NUMB: variants seen among roughly 807,000 people sequenced by gnomAD.
The protein encoded by NUMB is protein numb homolog.
NUMB carries 29 observed loss-of-function variants against 59.7 expected under a neutral mutation model. The observed-to-expected ratio is 0.49, with a 90% CI of 0.36 to 0.66. The LOEUF (loss-of-function observed/expected upper bound fraction) is 0.66. Ranked by LOEUF, NUMB falls within the 30% of genes least tolerant of loss-of-function variation. The pLI is 0.00. For synonymous variants in NUMB, 288 were observed against 288.2 expected, an observed-to-expected ratio of 1.00 and a Z score of 0.01; for missense variants, 723 against 822.0, an observed-to-expected ratio of 0.88 and a Z score of 1.47.
Position 73,395,030 on chromosome 14 carries a change from CGTGTGTTT to C in NUMB, c.-101+14899_-101+14906del, listed in dbSNP as rs1240968736. On this transcript the variant is annotated intron_variant, in intron 2 of 12. Transcript: ENST00000555238. ...ATCTCCTTTAAGGTTGAATAGTATT[CGTGTGTTT>C]GTGTGTGTGTGTGTGTGTGTGTGTG... Among the ~76,000 whole-genome samples the C allele has an allele frequency of 6.5e-3, 381 of 58,340 alleles. 4 individuals are homozygous for C. The highest frequency in any genetic ancestry group is 8.7e-3 in the African/African-American group (208 of 24,012). The allele number at this position is 58,340 out of a possible 152,430, so 38.3% of individuals were successfully genotyped here. A position where few individuals can be genotyped will look rare whatever the true frequency, so the allele number is the denominator to read the frequency against.
chr14:73,361,073 A>G (rs1220233066), intron 3 of NUMB, among the ~76,000 whole-genome samples: 6 of 151,972 alleles, frequency 3.9e-5, no homozygotes, highest in Non-Finnish European at 8.8e-5. Flanking sequence ...GTTTTTTTGT[A>G]GAGATGGGGT....
chr14:73,277,375 C>G (rs973764583), intron 12 of NUMB, 82 bp from the exon 13 acceptor site: 3 of 1,110,596 alleles, frequency 2.7e-6, no homozygotes, highest in East Asian at 2.6e-5. Flanking sequence ...TTGAATGATC[C>G]TAACATGTAC....
chr14:73,336,220 G>A (rs1476978947), intron 4 of NUMB, among the ~76,000 whole-genome samples: 1 of 152,132 alleles, frequency 6.6e-6, no homozygotes, highest in Non-Finnish European at 1.5e-5. Context: ...AAGCTTACCT[G>A]CAACTCTCCT....
In NUMB at chr14:73,453,954, G is replaced by C. The variant is rs1884169954; in HGVS notation, c.-233+4539C>G. ...ACTAAAGGATGCACTATAATGTCAA[G>C]ATTAAAAAAATAAGATAGCAAAAAA... On this transcript the variant is annotated intron_variant, in intron 1 of 12. Transcript: ENST00000555238. 3.3e-5 allele frequency among the ~76,000 whole-genome samples: 5 copies of C among 151,522 alleles called. No homozygotes were observed. In the South Asian group the frequency reaches 1.0e-3, roughly 31 times the overall value.
chr14:73,422,769 T>C (rs934190812), intron 1 of NUMB, among the ~76,000 whole-genome samples: 6 of 152,124 alleles, frequency 3.9e-5, no homozygotes, highest in African/African-American at 1.4e-4. Flanking sequence ...AAGGAGATAA[T>C]GGTAAATCAT....
At chr14:73,425,007 C>G (rs1897520217) in intron 1 of NUMB, among the ~76,000 whole-genome samples, 1 of 152,118 alleles carries the variant, frequency 6.6e-6, no homozygotes, top group South Asian at 2.1e-4. Context: ...CCTAAAAGAT[C>G]TTTACCTCAG....
intron 2 of NUMB, chr14:73,409,202 T>C (rs141024306): frequency 0.011 from 1,610 of 152,316 alleles, 15 homozygotes; most frequent in South Asian, 0.02. Context: ...ACAGCTTCCT[T>C]GAAACTTGGG....
intron 1 of NUMB, among the ~76,000 whole-genome samples, chr14:73,452,158 A>G (rs1884030593): frequency 6.6e-6 from 1 of 152,170 alleles, no homozygotes; most frequent in African/African-American, 2.4e-5. Flanking sequence ...CCAGGAGTTC[A>G]AGACCAGCCT....
chr14:73,414,566 C>T (rs1282595530), intron 1 of NUMB, among the ~76,000 whole-genome samples: 3 of 151,462 alleles, frequency 2.0e-5, no homozygotes, highest in Non-Finnish European at 4.4e-5. Flanking sequence ...GCTAATTTTT[C>T]ATAGAGATGG....
At chr14:73,314,705 G>A (rs552050167) in intron 6 of NUMB, among the ~76,000 whole-genome samples, 2 of 151,960 alleles carry the variant, frequency 1.3e-5, no homozygotes, top group South Asian at 4.1e-4. Flanking sequence ...TCTTATCTAT[G>A]ACGCCTTATC....
chr14:73,340,088 G>A (rs2139974096), intron 4 of NUMB, among the ~76,000 whole-genome samples: 1 of 152,328 alleles, frequency 6.6e-6, no homozygotes, highest in East Asian at 1.9e-4. Flanking sequence ...CTGGCCATTT[G>A]AGGCCAAATG....
intron 4 of NUMB, among the ~76,000 whole-genome samples, chr14:73,325,805 C>A (rs984351860): frequency 9.2e-5 from 14 of 152,144 alleles, no homozygotes; most frequent in African/African-American, 3.4e-4. Flanking sequence ...ACATCTCAGC[C>A]ACCAGGAAAT....
chr14:73,405,372 G>A (rs570545469), intron 2 of NUMB, among the ~76,000 whole-genome samples: 4 of 151,704 alleles, frequency 2.6e-5, no homozygotes, highest in Non-Finnish European at 4.4e-5. Flanking sequence ...CTCAAGGCCC[G>A]TAAAGGGAAC....
chr14:73,429,179 G>A (rs1024227493), intron 1 of NUMB, among the ~76,000 whole-genome samples: 5 of 151,474 alleles, frequency 3.3e-5, no homozygotes, highest in Non-Finnish European at 7.4e-5. Flanking sequence ...AGACCATCCT[G>A]GCTAACATGG....
At chr14:73,456,675 T>C (rs1290526225) in intron 1 of NUMB, among the ~76,000 whole-genome samples, 1 of 152,240 alleles carries the variant, frequency 6.6e-6, no homozygotes, top group Non-Finnish European at 1.5e-5. Context: ...TGAGTATCCT[T>C]TATAATAGGA....
chr14:73,344,904 A>C (rs1211043084), intron 4 of NUMB, among the ~76,000 whole-genome samples: 1 of 152,250 alleles, frequency 6.6e-6, no homozygotes, highest in Non-Finnish European at 1.5e-5. Flanking sequence ...CCAGCATTAA[A>C]AAATATGTTA....
intron 1 of NUMB, among the ~76,000 whole-genome samples, chr14:73,443,132 G>T (rs184790394): frequency 5.9e-5 from 9 of 152,224 alleles, no homozygotes; most frequent in African/African-American, 1.7e-4. Flanking sequence ...AAAGCACTGT[G>T]CTGGGAATAC....
Position 73,390,638 on chromosome 14 carries a change from C to CTTTTTTTTTTT in NUMB, c.-101+19288_-101+19298dup, listed in dbSNP as rs55831976. 3.5e-3 allele frequency among the ~76,000 whole-genome samples: 139 copies of CTTTTTTTTTTT among 39,412 alleles called. 20 individuals are homozygous for CTTTTTTTTTTT. Among genetic ancestry groups the CTTTTTTTTTTT allele is most frequent in the Non-Finnish European group, 5.5e-3 (116 of 21,180 alleles). 25.9% of individuals were successfully genotyped at this position (39,412 alleles called of 152,430 possible). The stretch of plus-strand genomic sequence containing the variant: ...ATTTCCTTGAGGACAAAAACAAAGT[C>CTTTTTTTTTTT]TTTTTTTTTTTTTTTTTTTTTTTTT... On this transcript the variant is annotated intron_variant, in intron 2 of 12. Transcript: ENST00000555238.
intron 2 of NUMB, among the ~76,000 whole-genome samples, chr14:73,408,143 C>A (rs1896756589): frequency 6.6e-6 from 1 of 151,908 alleles, no homozygotes; most frequent in Non-Finnish European, 1.5e-5. Flanking sequence ...AGGAGAATGG[C>A]ATGAACCTGG....
Sources: allele counts gnomAD v4.1 joint callset (sites outside exome capture counted in the v4.1 genomes callset), GRCh38; gene constraint gnomAD v4.1.1; transcripts MANE v1.5; gene names NCBI Gene and HGNC (gene_info 2026-07-23, HGNC 2026-07-21).